GREB1L: variants seen among roughly 807,000 people sequenced by gnomAD.
GREB1L encodes GREB1-like protein.
GREB1L carries 17 observed loss-of-function variants against 200.8 expected under a neutral mutation model. The observed-to-expected ratio is 0.08, with a 90% confidence interval of 0.06 to 0.13. GREB1L has a LOEUF of 0.13. GREB1L is among the 10% of genes least tolerant of loss of function. The probability of loss-of-function intolerance (pLI) is 1.00; values close to 1 mark genes in which losing one functional copy is unlikely to be tolerated. For synonymous variants in GREB1L, 789 were observed against 893.0 expected, an observed-to-expected ratio of 0.88 and a Z score of 2.08; for missense variants, 1,657 against 2,367.7, an observed-to-expected ratio of 0.70 and a Z score of 6.23.
In GREB1L at chr18:21,440,374, C is replaced by G. The variant is rs1056135967; in HGVS notation, c.1055C>G (p.Pro352Arg). The change falls in exon 9 of 33, where the codon CCT becomes CGT. Residue 352 changes from proline (P) to arginine (R), a missense_variant. Coordinates refer to ENST00000424526, the MANE Select transcript of GREB1L (RefSeq NM_001142966.3). ...GTTGTACCTGTCCCTACAGTTCGCC[C>G]TCTTTCAAGAACGGGTAAGATTTTA... is the stretch of plus-strand genomic sequence containing the variant. ...GLVVPVPTVRPLSRTEPLLSA... is the reference protein window; with the variant it reads ...GLVVPVPTVRRLSRTEPLLSA... The G allele has an allele frequency of 1.5e-5, 23 of 1,551,708 alleles. No individual in the cohort carries two copies. The highest frequency in any genetic ancestry group is 1.8e-5 in the Non-Finnish European group (21 of 1,146,864).
chr18:21,440,557 C>T (rs1485011459), intron 9 of GREB1L, among the ~76,000 whole-genome samples, 169 bp downstream of exon 9: 1 of 152,222 alleles, frequency 6.6e-6, no homozygotes, highest in African/African-American at 2.4e-5. Flanking sequence ...AAGATCATTA[C>T]AACTGATCTG....
At chr18:21,257,728 C>A (rs1016551064) in intron 1 of GREB1L, among the ~76,000 whole-genome samples, 9 of 152,150 alleles carry the variant, frequency 5.9e-5, no homozygotes, top group African/African-American at 2.2e-4. Context: ...CAAAACACAG[C>A]TTTTGATTTA....
chr18:21,319,907 GT>G (rs759035817), intron 1 of GREB1L, among the ~76,000 whole-genome samples: 58 of 152,332 alleles, frequency 3.8e-4, no homozygotes, highest in Non-Finnish European at 5.7e-4. Context: ...AAGCAAGGTG[GT>G]TGGAGCTAAA....
chr18:21,443,111 C>T lies in GREB1L; in HGVS notation c.1208-1113C>T, dbSNP rs1165063310. Among the ~76,000 whole-genome samples the T allele has an allele frequency of 2.0e-5, 3 of 152,070 alleles. No homozygotes were observed. In the East Asian group the frequency reaches 5.8e-4, roughly 29 times the overall value. On this transcript the variant is annotated intron_variant, in intron 10 of 32. Transcript: ENST00000424526. ...TAGAGATGGGGTTTCATCATGTTGG[C>T]CAGGCTGGTCTCAACTCCTGACCTC...
intron 1 of GREB1L, among the ~76,000 whole-genome samples, chr18:21,259,984 A>T (rs1219401653): frequency 6.6e-6 from 1 of 151,916 alleles, no homozygotes; most frequent in Non-Finnish European, 1.5e-5. Flanking sequence ...TTCTTTATAT[A>T]GAAATTTAAG....
At chr18:21,313,997 C>A (rs2144828983) in intron 1 of GREB1L, among the ~76,000 whole-genome samples, 1 of 152,200 alleles carries the variant, frequency 6.6e-6, no homozygotes, top group East Asian at 1.9e-4. Flanking sequence ...AACTGTTGAC[C>A]AATCTCTTGC....
At chr18:21,243,538 T>A (rs1481426) in intron 1 of GREB1L, among the ~76,000 whole-genome samples, 22,857 of 152,228 alleles carry the variant, frequency 0.15, 3,728 homozygotes, top group African/African-American at 0.4. Flanking sequence ...ATCACATTTT[T>A]AAACCTAGCC....
intron 1 of GREB1L, among the ~76,000 whole-genome samples, chr18:21,302,968 G>A (rs1230954629): frequency 2.6e-5 from 4 of 151,914 alleles, no homozygotes; most frequent in East Asian, 3.9e-4. Context: ...TGATCCACCC[G>A]CCTCCGCCCC....
intron 7 of GREB1L, among the ~76,000 whole-genome samples, chr18:21,434,682 C>G (rs779384756): frequency 4.6e-5 from 7 of 151,750 alleles, no homozygotes; most frequent in Non-Finnish European, 1.5e-5. Context: ...ACTTACCTCA[C>G]AACACTGTTA....
intron 1 of GREB1L, among the ~76,000 whole-genome samples, chr18:21,280,612 G>T (rs1339716442): frequency 6.6e-6 from 1 of 151,968 alleles, no homozygotes; most frequent in African/African-American, 2.4e-5. Context: ...TACATATATT[G>T]TCTTCTCTTC....
In GREB1L at chr18:21,262,495, G is replaced by A. The variant is rs186866392; in HGVS notation, c.-120+20102G>A. Among the ~76,000 whole-genome samples, 181 of 152,084 alleles carry A rather than the reference G, an allele frequency of 1.2e-3. 2 individuals are homozygous for A. Among genetic ancestry groups the A allele is most frequent in the Middle Eastern group, 3.4e-3 (1 of 294 alleles). ...ACGTGCTTAGAGATACTTTTGCTCC[G>A]TTACACTTCTGCTTTCCCAAACAGT... On this transcript the variant is annotated intron_variant, in intron 1 of 32. Transcript: ENST00000424526.
intron 1 of GREB1L, among the ~76,000 whole-genome samples, chr18:21,285,365 T>C (rs1380811291): frequency 6.6e-6 from 1 of 152,222 alleles, no homozygotes; most frequent in Non-Finnish European, 1.5e-5. Context: ...GTGGAAAATA[T>C]CCTTTTTGCC....
At chr18:21,437,240 T>A (rs1483149331) in intron 7 of GREB1L, among the ~76,000 whole-genome samples, 1 of 152,120 alleles carries the variant, frequency 6.6e-6, no homozygotes, top group African/African-American at 2.4e-5. Context: ...TTTTTGGAAA[T>A]TTTTCAACAG....
chr18:21,339,643 C>T (rs1415295865), intron 1 of GREB1L, among the ~76,000 whole-genome samples: 1 of 152,178 alleles, frequency 6.6e-6, no homozygotes, highest in Non-Finnish European at 1.5e-5. Flanking sequence ...CTCATAATGT[C>T]ATTATAAGAA....
intron 7 of GREB1L, among the ~76,000 whole-genome samples, chr18:21,436,717 T>TGTGTGTGTG (rs1568009671): frequency 3.4e-4 from 50 of 147,860 alleles, no homozygotes; most frequent in African/African-American, 1.2e-3. Flanking sequence ...TGTGTGTGTG[T>TGTGTGTGTG]TTTCTTTTTC....
intron 4 of GREB1L, among the ~76,000 whole-genome samples, chr18:21,389,228 A>C (rs1183007233): frequency 6.6e-6 from 1 of 152,060 alleles, no homozygotes; most frequent in East Asian, 1.9e-4. Flanking sequence ...TTATGTTTAT[A>C]ATCCAATACT....
chr18:21,280,095 G>A lies in GREB1L; in HGVS notation c.-120+37702G>A, dbSNP rs191885651. 3.9e-3 allele frequency among the ~76,000 whole-genome samples: 587 copies of A among 152,162 alleles called. 5 individuals are homozygous for A. Among genetic ancestry groups the A allele is most frequent in the Middle Eastern group, 6.8e-3 (2 of 292 alleles). The stretch of plus-strand genomic sequence containing the variant: ...CACTCTTTGTGTTGTACATTGTATG[G>A]GTTTTGACACATACATAGTTTCATC... On this transcript the variant is annotated intron_variant, in intron 1 of 32. Coordinates refer to ENST00000424526, the MANE Select transcript of GREB1L (RefSeq NM_001142966.3).
At chr18:21,510,407 C>G (rs892678215) in intron 27 of GREB1L, among the ~76,000 whole-genome samples, 1 of 152,154 alleles carries the variant, frequency 6.6e-6, no homozygotes, top group Non-Finnish European at 1.5e-5. Context: ...TCTACTTTCT[C>G]TAAGTGCCTC....
intron 7 of GREB1L, among the ~76,000 whole-genome samples, chr18:21,429,374 G>T (rs1207511249): frequency 2.8e-5 from 4 of 141,538 alleles, no homozygotes; most frequent in Admixed American, 2.2e-4. Flanking sequence ...ACAGGGTCTT[G>T]TTCTGTAACC....
Sources: allele counts gnomAD v4.1 joint callset (sites outside exome capture counted in the v4.1 genomes callset), GRCh38; gene constraint gnomAD v4.1.1; transcripts MANE v1.5; gene names NCBI Gene and HGNC (gene_info 2026-07-23, HGNC 2026-07-21).